The following MALRD1 variants were observed in gnomAD, a reference collection of about 807,000 sequenced individuals.
MALRD1 encodes the protein MAM and LDL receptor class A domain containing 1.
Under a neutral mutation model 242.1 loss-of-function variants are expected in MALRD1, and 247 were observed. The ratio of observed to expected loss-of-function variants is 1.02; its 90% confidence interval spans 0.92 to 1.13. The LOEUF is 1.13. Among genes scored for constraint, MALRD1 ranks in the 50% most tolerant of loss-of-function variants. The pLI is 0.00. For missense variants in MALRD1, 2,989 were observed against 2,533.1 expected, an observed-to-expected ratio of 1.18 and a Z score of -3.86; for synonymous variants, 995 against 866.6, an observed-to-expected ratio of 1.15 and a Z score of -2.60.
chr10:19,695,814 G>A (rs1029624013), intron 38 of MALRD1, among the ~76,000 whole-genome samples: 1 of 152,068 alleles, frequency 6.6e-6, no homozygotes, highest in East Asian at 1.9e-4. Flanking sequence ...ATGAGTCACC[G>A]TGCCCGGCGC....
At chr10:19,328,205 A>G (rs1333027727) in intron 23 of MALRD1, among the ~76,000 whole-genome samples, 2 of 152,180 alleles carry the variant, frequency 1.3e-5, no homozygotes, top group African/African-American at 4.8e-5. Flanking sequence ...GAAAAGTACT[A>G]GTACGAAGAT....
At chr10:19,166,976 G>A (rs1292681727) in intron 13 of MALRD1, among the ~76,000 whole-genome samples, 1 of 152,132 alleles carries the variant, frequency 6.6e-6, no homozygotes, top group East Asian at 1.9e-4. Context: ...GAAAACCAGT[G>A]ATGATAAAAG....
chr10:19,317,220 C>CTGACATATTTGCTGAGAGG (rs1438745589), intron 21 of MALRD1, among the ~76,000 whole-genome samples: 1 of 151,862 alleles, frequency 6.6e-6, no homozygotes, highest in Non-Finnish European at 1.5e-5. Context: ...GATCAAGGCA[C>CTGACATATTTGCTGAGAGG]TGACATATTT....
intron 28 of MALRD1, among the ~76,000 whole-genome samples, chr10:19,427,455 A>G (rs1369702694): frequency 2.0e-5 from 3 of 152,220 alleles, no homozygotes; most frequent in Non-Finnish European, 4.4e-5. Flanking sequence ...TGTTATTGCC[A>G]TTTTAAAGAG....
intron 32 of MALRD1, among the ~76,000 whole-genome samples, chr10:19,538,541 C>T (rs1332130153): frequency 6.6e-6 from 1 of 152,044 alleles, no homozygotes; most frequent in African/African-American, 2.4e-5. Flanking sequence ...AAATTAATTT[C>T]CCATTATATT....
intron 28 of MALRD1, among the ~76,000 whole-genome samples, chr10:19,449,763 A>G (rs567352605): frequency 1.3e-5 from 2 of 152,292 alleles, no homozygotes; most frequent in South Asian, 4.1e-4. Flanking sequence ...TTGACAAAAT[A>G]ATCTGTACAT....
intron 24 of MALRD1, among the ~76,000 whole-genome samples, chr10:19,344,767 A>G (rs956641453): frequency 4.6e-5 from 7 of 151,554 alleles, no homozygotes; most frequent in African/African-American, 1.5e-4. Context: ...TCCAATCATG[A>G]GCATAGTAGG....
At chr10:19,270,225 A>T (rs1425540099) in intron 19 of MALRD1, among the ~76,000 whole-genome samples, 1 of 152,130 alleles carries the variant, frequency 6.6e-6, no homozygotes, top group Non-Finnish European at 1.5e-5. Flanking sequence ...CTGAGGCACA[A>T]GAATCGCTTG....
At chr10:19,297,268 T>C (rs1166952927) in intron 21 of MALRD1, among the ~76,000 whole-genome samples, 1 of 151,806 alleles carries the variant, frequency 6.6e-6, no homozygotes, top group East Asian at 1.9e-4. Flanking sequence ...TTTGTTTTAA[T>C]TGAAATAATT....
chr10:19,210,499 A>G (rs1385460972), intron 18 of MALRD1, among the ~76,000 whole-genome samples: 1 of 152,220 alleles, frequency 6.6e-6, no homozygotes, highest in Admixed American at 6.5e-5. Flanking sequence ...GGGGGCTTGA[A>G]TATTTGTTCT....
intron 5 of MALRD1, among the ~76,000 whole-genome samples, chr10:19,121,205 T>C (rs1837051833): frequency 6.6e-6 from 1 of 151,970 alleles, no homozygotes; most frequent in East Asian, 1.9e-4. Flanking sequence ...CATGCCTTGC[T>C]AATTTTTGTA....
At chr10:19,304,855 G>C (rs1223161165) in intron 21 of MALRD1, among the ~76,000 whole-genome samples, 1 of 151,738 alleles carries the variant, frequency 6.6e-6, no homozygotes, top group Non-Finnish European at 1.5e-5. Flanking sequence ...CACAATGCCT[G>C]TTTTGTTTTC....
At chr10:19,548,733 TC>T (rs1235818706) in intron 32 of MALRD1, among the ~76,000 whole-genome samples, 2 of 152,198 alleles carry the variant, frequency 1.3e-5, no homozygotes, top group African/African-American at 4.8e-5. Flanking sequence ...TCACTCCCTC[TC>T]TTCGGGCCTC....
intron 36 of MALRD1, among the ~76,000 whole-genome samples, chr10:19,685,200 A>T (rs1239614419): frequency 6.6e-6 from 1 of 152,090 alleles, no homozygotes; most frequent in African/African-American, 2.4e-5. Context: ...TCATGAAGCA[A>T]TTTTTTCATG....
chr10:19,327,808 C>A (rs1277680820), intron 23 of MALRD1, 135 bp downstream of exon 23: 4 of 631,286 alleles, frequency 6.3e-6, no homozygotes, highest in South Asian at 4.2e-5. Flanking sequence ...GGACACCATG[C>A]TTAACACTCC....
rs572890117 is a variant in MALRD1 at position 19,325,115 on chromosome 10, GA to G, written c.3576+1020del. 1.3e-3 allele frequency among the ~76,000 whole-genome samples: 182 copies of G among 142,268 alleles called. 1 individual carries two copies. The highest frequency in any genetic ancestry group is 3.2e-3 in the African/African-American group (123 of 38,932). The allele number at this position is 142,268 out of a possible 152,430, so 93.3% of individuals were successfully genotyped here. A position where few individuals can be genotyped will look rare whatever the true frequency, so the allele number is the denominator to read the frequency against. On this transcript the variant is annotated intron_variant, in intron 22 of 39. Coordinates refer to ENST00000454679, the MANE Select transcript of MALRD1 (RefSeq NM_001142308.3). ...ACATTTGTAGGTTTGATTCATGTTGGAAAAAAAAAATTCTCATCCCTCTATT... is the reference window on the plus strand; with the variant it reads ...ACATTTGTAGGTTTGATTCATGTTGGAAAAAAAAATTCTCATCCCTCTATT...
chr10:19,165,906 T>C (rs1319236946), intron 13 of MALRD1, 96 bp downstream of exon 13: 1 of 899,640 alleles, frequency 1.1e-6, no homozygotes, highest in Admixed American at 4.3e-5. Flanking sequence ...TCATACCTTT[T>C]CAGGTGAGCA....
chr10:19,572,509 A>G (rs1197926094), intron 33 of MALRD1, among the ~76,000 whole-genome samples: 1 of 152,196 alleles, frequency 6.6e-6, no homozygotes, highest in Non-Finnish European at 1.5e-5. Flanking sequence ...AAATACCAAT[A>G]GACACAACCC....
At chr10:19,601,438 C>A (rs971051254) in intron 34 of MALRD1, among the ~76,000 whole-genome samples, 1 of 151,712 alleles carries the variant, frequency 6.6e-6, no homozygotes, top group Non-Finnish European at 1.5e-5. Flanking sequence ...ATATTAGATG[C>A]ATTCATAATT....
Sources: allele counts gnomAD v4.1 joint callset (sites outside exome capture counted in the v4.1 genomes callset), GRCh38; gene constraint gnomAD v4.1.1; transcripts MANE v1.5; gene names NCBI Gene and HGNC (gene_info 2026-07-23, HGNC 2026-07-21).